The following DST variants were observed in gnomAD, a reference collection of about 807,000 sequenced individuals.
DST encodes the protein dystonin.
Under a neutral mutation model 875.2 loss-of-function variants are expected in DST, and 253 were observed. The observed-to-expected ratio is 0.29, with a 90% CI of 0.26 to 0.32. The LOEUF (loss-of-function observed/expected upper bound fraction) is 0.32, where lower values mean the gene tolerates loss of function less well. Ranked by LOEUF, DST falls within the 10% of genes least tolerant of loss-of-function variation. The pLI is 1.00. For missense variants in DST, 8,287 were observed against 9,111.6 expected (o/e 0.91, Z 3.68); for synonymous variants, 3,124 against 3,197.1 (o/e 0.98, Z 0.77).
chr6:56,823,559 C>T (rs533956544), intron 4 of DST, among the ~76,000 whole-genome samples: 67 of 152,122 alleles, frequency 4.4e-4, no homozygotes, highest in African/African-American at 1.5e-3. Context: ...TACAGGTGCA[C>T]GCCACCACAC....
chr6:56,950,756 T>G (rs779629462), intron 2 of DST, among the ~76,000 whole-genome samples: 1 of 152,232 alleles, frequency 6.6e-6, no homozygotes, highest in Admixed American at 6.5e-5. Flanking sequence ...CAGGCCTTGC[T>G]AGCTGCATTA....
chr6:56,713,497 G>C (rs1252271099), intron 5 of DST, among the ~76,000 whole-genome samples: 1 of 152,022 alleles, frequency 6.6e-6, no homozygotes, highest in Non-Finnish European at 1.5e-5. Flanking sequence ...ATCCTTAACC[G>C]AACAGTGAGC....
intron 9 of DST, among the ~76,000 whole-genome samples, chr6:56,684,303 T>G (rs2099170151): frequency 6.6e-6 from 1 of 152,266 alleles, no homozygotes; most frequent in Admixed American, 6.5e-5. Context: ...AATGCAATTT[T>G]TATTTTTAAA....
intron 25 of DST, 46 bp downstream of exon 25, chr6:56,634,755 T>A (rs773786162): frequency 6.2e-7 from 1 of 1,608,336 alleles, no homozygotes; most frequent in South Asian, 1.1e-5. Flanking sequence ...TTACAAAATA[T>A]ATGAATAATG....
chr6:56,526,685 C>G (rs967282172), intron 68 of DST, 118 bp from the exon 69 acceptor site: 25 of 853,458 alleles, frequency 2.9e-5, no homozygotes, highest in Non-Finnish European at 3.5e-5. Context: ...CCCACTCCCC[C>G]CCTCCCTTAG....
chr6:56,567,250 C>T (rs1190998785), intron 55 of DST, among the ~76,000 whole-genome samples: 1 of 151,940 alleles, frequency 6.6e-6, no homozygotes, highest in Non-Finnish European at 1.5e-5. Flanking sequence ...GTATCCAAAA[C>T]ACAAAGACAT....
chr6:56,581,051 TAAAAA>T (rs771314105), intron 49 of DST, among the ~76,000 whole-genome samples: 1 of 90,704 alleles, frequency 1.1e-5, no homozygotes, highest in African/African-American at 4.9e-5. Flanking sequence ...TGGCATTTAT[TAAAAA>T]AAAAAAAAAA....
chr6:56,489,340 T>A, intron 86 of DST, 150 bp downstream of exon 86: 1 of 623,730 alleles, frequency 1.6e-6, no homozygotes, highest in Non-Finnish European at 2.4e-6. Flanking sequence ...ATAAGCAACA[T>A]GAAGAGCAAT....
intron 49 of DST, 69 bp from the exon 50 acceptor site, chr6:56,579,006 T>A: frequency 7.6e-7 from 1 of 1,321,586 alleles, no homozygotes; most frequent in Non-Finnish European, 1.0e-6. Context: ...GTGGAAAAAA[T>A]GATTTCTAAT....
At chr6:56,659,355 T>G (rs116016809) in intron 10 of DST, among the ~76,000 whole-genome samples, 353 of 152,322 alleles carry the variant, frequency 2.3e-3, no homozygotes, top group African/African-American at 8.3e-3. Context: ...GAGTGTTTAC[T>G]GGCCTTGTGA....
chr6:56,536,970 G>A (rs756511992), intron 61 of DST, 30 bp from the exon 62 acceptor site: 5 of 1,597,374 alleles, frequency 3.1e-6, no homozygotes, highest in Non-Finnish European at 4.3e-6. Flanking sequence ...AATTATATGA[G>A]TTATATTACC....
At chr6:56,903,820 C>A (rs1028879998) in intron 2 of DST, among the ~76,000 whole-genome samples, 2 of 152,170 alleles carry the variant, frequency 1.3e-5, no homozygotes, top group African/African-American at 4.8e-5. Context: ...TCCACCTTAA[C>A]ATTTTTTCTC....
At chr6:56,539,247 A>G (rs867908513) in intron 61 of DST, among the ~76,000 whole-genome samples, 4 of 152,206 alleles carry the variant, frequency 2.6e-5, no homozygotes, top group Non-Finnish European at 4.4e-5. Context: ...AAGTGCCCCC[A>G]AAAATATACT....
Position 56,621,252 on chromosome 6 carries a change from A to G in DST, c.4929+3278T>C, listed in dbSNP as rs962148815. ...ATTCCCATGTCTTATGGTTAAAAAAACAAAGCACAGAACTTTAGAACAGAG... is the reference window on the plus strand; with the variant it reads ...ATTCCCATGTCTTATGGTTAAAAAAGCAAAGCACAGAACTTTAGAACAGAG... On this transcript the variant is annotated intron_variant, in intron 36 of 103. Coordinates refer to ENST00000680361, the MANE Select transcript of DST (RefSeq NM_001374736.1). 6.8e-4 allele frequency among the ~76,000 whole-genome samples: 103 copies of G among 152,380 alleles called. 1 individual carries two copies. Among genetic ancestry groups the G allele is most frequent in the African/African-American group, 2.4e-3 (98 of 41,592 alleles).
chr6:56,611,638 G>T, intron 37 of DST, 42 bp from the exon 38 acceptor site: 1 of 1,300,768 alleles, frequency 7.7e-7, no homozygotes, highest in Non-Finnish European at 1.1e-6. Flanking sequence ...TCCTCCAAAA[G>T]GAGTAAACAG....
chr6:56,714,601 C>A lies in DST; in HGVS notation c.688-10232G>T, dbSNP rs1346030334. Reference sequence around the variant, plus strand: ...CCAAGAGCAGGCTAGAGCCAGGTAACACCTAGCAAATCAGGGGCCACACTT... The same window carrying A: ...CCAAGAGCAGGCTAGAGCCAGGTAAAACCTAGCAAATCAGGGGCCACACTT... On this transcript the variant is annotated intron_variant, in intron 5 of 103. Transcript: ENST00000680361. The surrounding 1 kb of genome is among the most constrained non-coding windows in gnomAD (Gnocchi z 4.5). 6.6e-6 allele frequency among the ~76,000 whole-genome samples: 1 copy of A among 152,172 alleles called. No homozygotes were observed. The highest frequency in any genetic ancestry group is 1.9e-4 in the East Asian group (1 of 5,190).
chr6:56,938,160 T>G (rs1814246433), intron 2 of DST, among the ~76,000 whole-genome samples: 1 of 151,416 alleles, frequency 6.6e-6, no homozygotes. Context: ...TTGAGATAGA[T>G]TCTTGCTCTG....
In DST at chr6:56,501,684, A is replaced by G; in HGVS notation, c.19576T>C (p.Ser6526Pro). Residue 6526 changes from serine (S) to proline (P), a missense_variant, in exon 79 of 104, where the codon TCT becomes CCT. Around this residue, in one of 10 missense-constraint regions of DST, gnomAD observed 1,292 missense variants for 1,552.7 expected, o/e 0.83. Transcript: ENST00000680361. ...QQIEELKQFK[S>P]EAYQQQIEME... ...TCTATCTGCTGTTGATAGGCCTCAGACTTAAATTGCTATTTTAAAAGAGAT... is the reference window on the plus strand; with the variant it reads ...TCTATCTGCTGTTGATAGGCCTCAGGCTTAAATTGCTATTTTAAAAGAGAT... 2 of 1,586,912 alleles carry G rather than the reference A, an allele frequency of 1.3e-6. No individual in the cohort carries two copies. The highest frequency in any genetic ancestry group is 8.5e-7 in the Non-Finnish European group (1 of 1,171,006).
At position 56,699,660 on chromosome 6, in the gene DST, T is replaced by C. The variant is rs1405549879; in HGVS notation, c.1040A>G (p.His347Arg). 33 of 1,520,748 alleles carry C rather than the reference T, an allele frequency of 2.2e-5. No homozygotes were observed. Among genetic ancestry groups the C allele is most frequent in the Non-Finnish European group, 2.9e-5 (33 of 1,134,272 alleles). 94.2% of individuals were successfully genotyped at this position (1,520,748 alleles called of 1,614,324 possible). ...TLGLIWTIIL[H>R]FQISDIHVTG... Reference sequence around the variant, plus strand: ...AAGAAAATTTGGGCTTACCTGAAAGTGCAAAATTATTGTCCAGATTAATCC... The same window carrying C: ...AAGAAAATTTGGGCTTACCTGAAAGCGCAAAATTATTGTCCAGATTAATCC... Residue 347 changes from histidine (H) to arginine (R), a missense_variant, in exon 9 of 104, where the codon CAC (histidine) becomes CGC (arginine). Physicochemically the swap from His to Arg is conservative, Grantham distance 29. Around this residue, in one of 10 missense-constraint regions of DST, gnomAD observed 1,160 missense variants for 1,424.3 expected, o/e 0.81. Coordinates refer to ENST00000680361, the MANE Select transcript of DST (RefSeq NM_001374736.1).
Sources: gnomAD v4.1 joint callset for allele counts (sites outside exome capture counted in the v4.1 genomes callset) on GRCh38, gnomAD v4.1.1 for gene constraint, gnomAD v4.1.1 regional missense constraint, Gnocchi (gnomAD v3.1) non-coding constraint, MANE v1.5 for transcripts, NCBI Gene and HGNC (gene_info 2026-07-23, HGNC 2026-07-21) for gene names.